Variants in LRP11 observed in about 807,000 individuals in gnomAD.
LRP11 encodes the protein low-density lipoprotein receptor-related protein 11.
A neutral mutation model predicts 43.1 loss-of-function variants in LRP11; 25 were observed. The observed-to-expected ratio is 0.58, with a 90% CI of 0.42 to 0.81. LRP11 has a LOEUF of 0.81. Among genes scored for constraint, LRP11 ranks in the 30% least tolerant of loss-of-function variants. The pLI is 0.00. For synonymous variants in LRP11, 316 were observed against 299.4 expected (o/e 1.06, Z -0.57); for missense variants, 623 against 665.1 (o/e 0.94, Z 0.70).
rs773240465 is a variant in LRP11, at chr6:149,827,547, G to A, written c.1253-1188C>T. On this transcript the variant is annotated intron_variant, in intron 5 of 6. Coordinates refer to ENST00000239367, the MANE Select transcript of LRP11 (RefSeq NM_032832.6). The surrounding 1 kb of genome is among the most constrained non-coding windows in gnomAD (Gnocchi z 4.2). ...GTCTTGTTACTCTAGAAAGTTCCATGTATGTTGGTCCTACATACAGCCAAT... is the reference window on the plus strand; with the variant it reads ...GTCTTGTTACTCTAGAAAGTTCCATATATGTTGGTCCTACATACAGCCAAT... Among the ~76,000 whole-genome samples the A allele has an allele frequency of 1.3e-5, 2 of 152,198 alleles. No homozygotes were observed. The highest frequency in any genetic ancestry group is 2.9e-5 in the Non-Finnish European group (2 of 68,044).
chr6:149,822,570 C>A (rs574160404), intron 6 of LRP11, among the ~76,000 whole-genome samples: 1 of 151,988 alleles, frequency 6.6e-6, no homozygotes. Context: ...AGCAAATAAC[C>A]CCAGACAGGA....
At chr6:149,850,023 G>C (rs1776695719) in intron 2 of LRP11, among the ~76,000 whole-genome samples, 1 of 152,130 alleles carries the variant, frequency 6.6e-6, no homozygotes, top group South Asian at 2.1e-4. Context: ...CCGTGCAGAT[G>C]GTGGAGAGCA....
chr6:149,820,380 A>C lies in LRP11; in HGVS notation c.*169T>G. Reference sequence around the variant, plus strand: ...TCCTCTCTAAATTTCAAAATATTTTATGACTTCTAAGGAAACTTTTTTTAC... The same window carrying C: ...TCCTCTCTAAATTTCAAAATATTTTCTGACTTCTAAGGAAACTTTTTTTAC... On this transcript the variant is annotated 3_prime_UTR_variant, in exon 7 of 7. Transcript: ENST00000239367. 1 of 443,590 alleles carries C rather than the reference A, an allele frequency of 2.3e-6. No homozygotes were observed. The highest frequency in any genetic ancestry group is 3.9e-6 in the Non-Finnish European group (1 of 258,134). The allele number at this position is 443,590 out of a possible 1,614,324, so 27.5% of individuals were successfully genotyped here. A position where few individuals can be genotyped will look rare whatever the true frequency, so the allele number is the denominator to read the frequency against.
chr6:149,863,858 C>T lies in LRP11; in HGVS notation c.163G>A (p.Val55Met). ...LSELHAQLSG[V>M]EQLLEEFRRQ... ...CGGAACTCCTCCAGCAGCTGCTCCACGCCCGACAGCTGCGCGTGCAGTTCG... is the reference window on the plus strand; with the variant it reads ...CGGAACTCCTCCAGCAGCTGCTCCATGCCCGACAGCTGCGCGTGCAGTTCG... Residue 55 changes from valine to methionine, a missense_variant, in exon 1 of 7, where the codon GTG (valine) becomes ATG (methionine). Transcript: ENST00000239367. The T allele has an allele frequency of 6.6e-7, 1 of 1,510,574 alleles. No homozygotes were observed. Among genetic ancestry groups the T allele is most frequent in the East Asian group, 2.8e-5 (1 of 35,848 alleles). 93.6% of individuals were successfully genotyped at this position (1,510,574 alleles called of 1,614,324 possible).
chr6:149,833,992 C>T (rs1285555283), intron 5 of LRP11, among the ~76,000 whole-genome samples: 1 of 152,120 alleles, frequency 6.6e-6, no homozygotes, highest in East Asian at 1.9e-4. Context: ...GCCCAGCATC[C>T]ATTAGCTGTT....
chr6:149,839,051 G>GTTTT (rs1354326315), intron 3 of LRP11, among the ~76,000 whole-genome samples: 3 of 145,374 alleles, frequency 2.1e-5, no homozygotes, highest in African/African-American at 2.7e-5. Context: ...CATACACTTG[G>GTTTT]TTTTTTTTTG....
At chr6:149,846,005 T>G (rs1776626636) in intron 2 of LRP11, among the ~76,000 whole-genome samples, 1 of 152,230 alleles carries the variant, frequency 6.6e-6, no homozygotes. Context: ...AGCCTGTCTC[T>G]TGCCTGGGTC....
chr6:149,857,847 T>C (rs1776824673), intron 1 of LRP11, among the ~76,000 whole-genome samples: 2 of 152,176 alleles, frequency 1.3e-5, no homozygotes, highest in Admixed American at 6.5e-5. Flanking sequence ...GTGTAGGCAG[T>C]GGGCAAGGAG....
chr6:149,863,457 G>A lies in LRP11; in HGVS notation c.564C>T (p.Arg188=). ...TGGCCAGGGCGGCGCCGTCCGGCGC[G>A]CGGCTGAGGCTGTAGCTGCTGTAGC... ...HSGYSSYSLS[R]APDGAALATA... is the part of the protein sequence containing the mutation. The change falls in exon 1 of 7, where the codon CGC becomes CGT. Residue 188 remains arginine, a synonymous_variant. Coordinates refer to ENST00000239367, the MANE Select transcript of LRP11 (RefSeq NM_032832.6). 3.0e-6 allele frequency: 4 copies of A among 1,330,408 alleles called. No individual in the cohort carries two copies. The highest frequency in any genetic ancestry group is 6.2e-5 in the East Asian group (2 of 32,160). 82.4% of individuals were successfully genotyped at this position (1,330,408 alleles called of 1,614,324 possible).
intron 2 of LRP11, among the ~76,000 whole-genome samples, chr6:149,850,815 C>A (rs1277144972): frequency 1.3e-5 from 2 of 152,186 alleles, no homozygotes; most frequent in Non-Finnish European, 2.9e-5. Context: ...CTAACCAACC[C>A]AGCATTCCAT....
rs1186801520 is a variant in LRP11, at chr6:149,837,365, C to T, written c.1012G>A (p.Gly338Arg). The change falls in exon 4 of 7, where the codon GGG (glycine) becomes AGG (arginine). Residue 338 changes from glycine to arginine, a missense_variant. By Grantham distance (125) the Gly-to-Arg change is moderately radical. Coordinates refer to ENST00000239367, the MANE Select transcript of LRP11 (RefSeq NM_032832.6). ...ACDGVQQCPDGSDEDFCQNLG... is the reference protein window; with the variant it reads ...ACDGVQQCPDRSDEDFCQNLG... ...TTCTGGCAGAAGTCTTCATCAGACCCATCAGGACACTGCTGCACTCCATCG... is the reference window on the plus strand; with the variant it reads ...TTCTGGCAGAAGTCTTCATCAGACCTATCAGGACACTGCTGCACTCCATCG... The T allele has an allele frequency of 5.0e-6, 8 of 1,614,044 alleles. No homozygotes were observed. Among genetic ancestry groups the T allele is most frequent in the Non-Finnish European group, 6.8e-6 (8 of 1,180,014 alleles).
intron 2 of LRP11, among the ~76,000 whole-genome samples, chr6:149,843,353 G>T (rs1583086514): frequency 6.6e-6 from 1 of 152,276 alleles, no homozygotes; most frequent in East Asian, 1.9e-4. Flanking sequence ...CCCTTCACTT[G>T]TCTGCAGCAG....
Position 149,864,350 on chromosome 6 carries a change from T to TGC in LRP11, c.-332_-331dup, listed in dbSNP as rs1195898554. The TGC allele has an allele frequency of 3.0e-6, 3 of 1,000,950 alleles. No individual in the cohort carries two copies. Among genetic ancestry groups the TGC allele is most frequent in the Non-Finnish European group, 3.6e-6 (3 of 840,608 alleles). 62.0% of individuals were successfully genotyped at this position (1,000,950 alleles called of 1,614,324 possible). A position where few individuals can be genotyped will look rare whatever the true frequency, so the allele number is the denominator to read the frequency against. On this transcript the variant is annotated 5_prime_UTR_variant, in exon 1 of 7. Coordinates refer to ENST00000239367, the MANE Select transcript of LRP11 (RefSeq NM_032832.6). ...TCGGCGTTGATCAGCACCAGGTGTG[T>TGC]GCGAACAGTGGCCGCGGCGGGGTGG...
In LRP11 at chr6:149,864,209, A is replaced by T; in HGVS notation, c.-189T>A. ...CGCGGGCGCCGGCGGGAACCGCAGT[A>T]GCGGGAGACATAGCCGGCCCAGCCG... is the stretch of plus-strand genomic sequence containing the variant. On this transcript the variant is annotated 5_prime_UTR_variant, in exon 1 of 7. Transcript: ENST00000239367. 1 of 1,114,694 alleles carries T rather than the reference A, an allele frequency of 9.0e-7. No individual in the cohort carries two copies. Among genetic ancestry groups the T allele is most frequent in the Non-Finnish European group, 1.1e-6 (1 of 914,558 alleles). 69.1% of individuals were successfully genotyped at this position (1,114,694 alleles called of 1,614,324 possible).
rs1226444997 is a variant in LRP11, at chr6:149,827,098, C to A, written c.1253-739G>T. Among the ~76,000 whole-genome samples the A allele has an allele frequency of 2.6e-5, 4 of 151,960 alleles. No homozygotes were observed. In the East Asian group the frequency reaches 7.8e-4, roughly 30 times the overall value. On this transcript the variant is annotated intron_variant, in intron 5 of 6. Coordinates refer to ENST00000239367, the MANE Select transcript of LRP11 (RefSeq NM_032832.6). This position sits in a 1 kb window ranked among gnomAD's most constrained non-coding sequence, Gnocchi z 4.2. ...TCTCCTGCCTCAGCCTCCCGAGTAG[C>A]TGGGATTACAGGTGCGTGCCACCAT... is the stretch of plus-strand genomic sequence containing the variant.
chr6:149,858,341 A>G (rs1254967741), intron 1 of LRP11, among the ~76,000 whole-genome samples: 1 of 152,174 alleles, frequency 6.6e-6, no homozygotes, highest in Non-Finnish European at 1.5e-5. Flanking sequence ...AATGGTTTCC[A>G]GCTTCACCCA....
chr6:149,821,180 C>T (rs976579129), intron 6 of LRP11, among the ~76,000 whole-genome samples: 2 of 152,098 alleles, frequency 1.3e-5, no homozygotes, highest in Non-Finnish European at 2.9e-5. Flanking sequence ...CCACCTGCCT[C>T]GGCCTCCCAA....
rs1376105606 is a variant in LRP11, at chr6:149,820,704, C to A, written c.1349-1G>T. 1.3e-6 allele frequency: 1 copy of A among 780,746 alleles called. No homozygotes were observed. Among genetic ancestry groups the A allele is most frequent in the East Asian group, 2.4e-5 (1 of 41,246 alleles). The allele number at this position is 780,746 out of a possible 1,614,324, so 48.4% of individuals were successfully genotyped here. A position where few individuals can be genotyped will look rare whatever the true frequency, so the allele number is the denominator to read the frequency against. ...CCCAGCGCCAGGGGTAGCACTGCAC[C>A]TTTGAGAAGGTTAGACATGAAGAGG... On this transcript the variant is annotated splice_acceptor_variant, in intron 6 of 6. Transcript: ENST00000239367. LOFTEE classifies it high-confidence loss of function.
intron 3 of LRP11, among the ~76,000 whole-genome samples, chr6:149,840,389 C>T (rs1776528239): frequency 6.6e-6 from 1 of 152,242 alleles, no homozygotes; most frequent in Non-Finnish European, 1.5e-5. Context: ...AAGACCTATA[C>T]TCAAGCGGCC....
Sources: allele counts gnomAD v4.1 joint callset (sites outside exome capture counted in the v4.1 genomes callset), GRCh38; gene constraint gnomAD v4.1.1; non-coding constraint Gnocchi (gnomAD v3.1); transcripts MANE v1.5; gene names NCBI Gene and HGNC (gene_info 2026-07-23, HGNC 2026-07-21).